The following AGBL1 variants were observed in gnomAD, a reference collection of about 807,000 sequenced individuals.
AGBL1 encodes AGBL carboxypeptidase 1.
AGBL1 carries 130 observed loss-of-function variants against 118.9 expected under a neutral mutation model. That is an observed-to-expected ratio of 1.09 (90% CI 0.95 to 1.26). The LOEUF (loss-of-function observed/expected upper bound fraction) is 1.26. Among genes scored for constraint, AGBL1 ranks in the 50% most tolerant of loss-of-function variants. AGBL1 has a pLI of 0.00. For synonymous variants in AGBL1, 555 were observed against 478.9 expected (o/e 1.16, Z -2.08); for missense variants, 1,584 against 1,298.1 (o/e 1.22, Z -3.38).
At chr15:86,946,259 G>A (rs2141662777) in intron 23 of AGBL1, 1 of 152,300 alleles carries the variant, frequency 6.6e-6, no homozygotes. Flanking sequence ...CAAGTGATGT[G>A]CTGAGCAGAC....
chr15:86,543,060 G>C (rs1889731349), intron 19 of AGBL1, among the ~76,000 whole-genome samples: 1 of 152,012 alleles, frequency 6.6e-6, no homozygotes, highest in African/African-American at 2.4e-5. Flanking sequence ...CCATTTTGCT[G>C]TTTTCTATTT....
intron 21 of AGBL1, among the ~76,000 whole-genome samples, chr15:86,612,073 T>C (rs989245481): frequency 3.9e-5 from 6 of 152,018 alleles, no homozygotes; most frequent in African/African-American, 1.4e-4. Flanking sequence ...TACTTAGTAA[T>C]TGTGAGGGAA....
intron 15 of AGBL1, among the ~76,000 whole-genome samples, chr15:86,272,390 G>A (rs2079175659): frequency 6.6e-6 from 1 of 152,036 alleles, no homozygotes; most frequent in African/African-American, 2.4e-5. Flanking sequence ...ATAAGGATAG[G>A]GATTGCTATG....
At chr15:86,326,308 A>G (rs1304770991) in intron 17 of AGBL1, among the ~76,000 whole-genome samples, 1 of 152,210 alleles carries the variant, frequency 6.6e-6, no homozygotes, top group Non-Finnish European at 1.5e-5. Flanking sequence ...AGTCTACACT[A>G]GCCATGAGTG....
chr15:86,904,936 C>CA (rs1322643784), intron 22 of AGBL1, among the ~76,000 whole-genome samples: 4 of 152,028 alleles, frequency 2.6e-5, no homozygotes, highest in Admixed American at 1.3e-4. Flanking sequence ...ATAAATCTGA[C>CA]AGAGGCATGG....
chr15:86,694,204 A>T (rs1235190136), intron 22 of AGBL1, among the ~76,000 whole-genome samples: 1 of 152,090 alleles, frequency 6.6e-6, no homozygotes, highest in East Asian at 1.9e-4. Flanking sequence ...CATTTTCACA[A>T]TATTGATTTT....
intron 1 of AGBL1, among the ~76,000 whole-genome samples, chr15:86,113,581 C>T (rs527686814): frequency 5.9e-5 from 9 of 152,160 alleles, no homozygotes; most frequent in South Asian, 2.1e-4. Context: ...CCACTGCACC[C>T]GGCCCACCTT....
intron 15 of AGBL1, among the ~76,000 whole-genome samples, chr15:86,275,480 T>G (rs1366975172): frequency 6.6e-6 from 1 of 152,190 alleles, no homozygotes; most frequent in Non-Finnish European, 1.5e-5. Context: ...CATTATAAGA[T>G]TATCTAATCC....
rs137971572 is a variant in AGBL1 at position 86,461,508 on chromosome 15, T to C, written c.2556-61302T>C. Among the ~76,000 whole-genome samples the C allele has an allele frequency of 5.3e-4, 81 of 152,302 alleles. No homozygotes were observed. The East Asian group carries it at 0.014, about 26-fold the overall frequency. On this transcript the variant is annotated intron_variant, in intron 18 of 22. Coordinates refer to ENST00000614907, the MANE Select transcript of AGBL1 (RefSeq NM_001386094.1). The stretch of plus-strand genomic sequence containing the variant: ...CTAGAGCACACATACCATGCAGATA[T>C]GTTTTAAGATCTCATTAATCTCACA...
intron 18 of AGBL1, among the ~76,000 whole-genome samples, chr15:86,410,834 ATAT>A (rs2081600738): frequency 9.4e-6 from 1 of 106,134 alleles, no homozygotes; most frequent in African/African-American, 4.2e-5. Flanking sequence ...ATATATATAT[ATAT>A]ATATAATATA....
At chr15:86,202,501 G>A (rs1040677553) in intron 5 of AGBL1, among the ~76,000 whole-genome samples, 1 of 152,256 alleles carries the variant, frequency 6.6e-6, no homozygotes, top group South Asian at 2.1e-4. Flanking sequence ...AAATGAGACA[G>A]CCTCAGATTT....
At chr15:86,229,710 A>C (rs938821231) in intron 6 of AGBL1, among the ~76,000 whole-genome samples, 1 of 152,122 alleles carries the variant, frequency 6.6e-6, no homozygotes. Flanking sequence ...ATTAGGCATA[A>C]ATGCATTTTT....
intron 22 of AGBL1, among the ~76,000 whole-genome samples, chr15:86,782,974 CTTGT>C (rs1360895030): frequency 3.3e-5 from 5 of 152,062 alleles, no homozygotes; most frequent in Non-Finnish European, 5.9e-5. Context: ...GCCACTTTTC[CTTGT>C]TTGTTTGTTT....
chr15:86,334,790 C>A (rs929169174), intron 17 of AGBL1, among the ~76,000 whole-genome samples: 1 of 152,166 alleles, frequency 6.6e-6, no homozygotes, highest in African/African-American at 2.4e-5. Context: ...ACCAAAATAG[C>A]ATGGTACACT....
intron 7 of AGBL1, among the ~76,000 whole-genome samples, chr15:86,254,082 A>T (rs2078858244): frequency 6.6e-6 from 1 of 152,208 alleles, no homozygotes; most frequent in African/African-American, 2.4e-5. Flanking sequence ...TTATACTCTT[A>T]GTCAAGGTCC....
intron 18 of AGBL1, among the ~76,000 whole-genome samples, chr15:86,507,038 T>C (rs918085474): frequency 6.6e-6 from 1 of 152,124 alleles, no homozygotes; most frequent in Admixed American, 6.6e-5. Flanking sequence ...TTCTGATCCA[T>C]GAGACCTAAC....
chr15:86,422,725 A>C (rs987874758), intron 18 of AGBL1, among the ~76,000 whole-genome samples: 1 of 152,194 alleles, frequency 6.6e-6, no homozygotes, highest in Admixed American at 6.5e-5. Flanking sequence ...AAAAGAGAGA[A>C]GAATCAAATA....
intron 22 of AGBL1, among the ~76,000 whole-genome samples, chr15:86,714,835 C>T (rs777359762): frequency 4.6e-5 from 7 of 152,102 alleles, no homozygotes; most frequent in Non-Finnish European, 1.0e-4. Context: ...AGGGAGGGGC[C>T]CCTGCTCAGC....
chr15:87,013,633 G>A (rs908333134), intron 24 of AGBL1, among the ~76,000 whole-genome samples: 4 of 151,972 alleles, frequency 2.6e-5, no homozygotes, highest in Admixed American at 6.6e-5. Context: ...ACAATTATTA[G>A]ACACTTGATC....
Sources: gnomAD v4.1 joint callset for allele counts (sites outside exome capture counted in the v4.1 genomes callset) on GRCh38, gnomAD v4.1.1 for gene constraint, MANE v1.5 for transcripts, NCBI Gene and HGNC (gene_info 2026-07-23, HGNC 2026-07-21) for gene names.